The following WDR7 variants were observed in gnomAD, a reference collection of about 807,000 sequenced individuals.
The protein encoded by WDR7 is WD repeat-containing protein 7.
Under a neutral mutation model 169.4 loss-of-function variants are expected in WDR7, and 46 were observed. The observed-to-expected ratio is 0.27, with a 90% CI of 0.21 to 0.35. The LOEUF (loss-of-function observed/expected upper bound fraction) is 0.35, where lower values mean the gene tolerates loss of function less well. Ranked by LOEUF, WDR7 falls within the 10% of genes least tolerant of loss-of-function variation. WDR7 has a pLI of 1.00. For missense variants in WDR7, 1,534 were observed against 1,859.3 expected (o/e 0.83, Z 3.22); for synonymous variants, 612 against 666.8 (o/e 0.92, Z 1.27).
chr18:56,938,813 G>A lies in WDR7; in HGVS notation c.3981+131G>A, dbSNP rs1475277862. ...AGGGTGAGAGAGAAAGAATGAGTGT[G>A]TGTGTGTGTGTGTGTGTGTGTGTGT... On this transcript the variant is annotated intron_variant, in intron 24 of 27. Transcript: ENST00000254442. The A allele has an allele frequency of 9.0e-5, 68 of 759,528 alleles. 1 individual carries two copies. Among genetic ancestry groups the A allele is most frequent in the Admixed American group, 2.9e-4 (8 of 27,518 alleles). The allele number at this position is 759,528 out of a possible 1,614,324, so 47.0% of individuals were successfully genotyped here. A position where few individuals can be genotyped will look rare whatever the true frequency, so the allele number is the denominator to read the frequency against.
At chr18:56,744,031 C>G (rs548828063) in intron 14 of WDR7, among the ~76,000 whole-genome samples, 1 of 152,050 alleles carries the variant, frequency 6.6e-6, no homozygotes, top group East Asian at 1.9e-4. Flanking sequence ...GCGGACGGAT[C>G]ACGAGGTCAG....
At chr18:56,843,346 C>T (rs2045516032) in intron 20 of WDR7, among the ~76,000 whole-genome samples, 1 of 152,174 alleles carries the variant, frequency 6.6e-6, no homozygotes, top group African/African-American at 2.4e-5. Context: ...CAAAGTGAAA[C>T]CTTATACCCA....
At position 56,880,043 on chromosome 18, in the gene WDR7, C is replaced by T; in HGVS notation, c.3404C>T (p.Ala1135Val). Residue 1135 changes from alanine to valine, a missense_variant, in exon 21 of 28, where the codon GCT becomes GTT. Physicochemically the swap from Ala to Val is moderately conservative, Grantham distance 64. Transcript: ENST00000254442. ...ATTGTTTTACTTGGAGTAATAGGAG[C>T]TGAATTTGGTGCTGAAATTGAACCT... Reference protein sequence around the residue: ...TAIVLLGVIGAEFGAEIEPPK... With the variant: ...TAIVLLGVIGVEFGAEIEPPK... 1 of 1,614,056 alleles carries T rather than the reference C, an allele frequency of 6.2e-7. No homozygotes were observed. Among genetic ancestry groups the T allele is most frequent in the Non-Finnish European group, 8.5e-7 (1 of 1,179,978 alleles).
At position 57,027,018 on chromosome 18, in the gene WDR7, G is replaced by A. The variant is rs1390744229; in HGVS notation, c.4284G>A (p.Leu1428=). ...HISFWQMNTS[L]LGSIGMLNSA... ...TGTCCCTCCAGATGAACACGTCACT[G>A]CTGGGAAGCATCGGCATGCTGAACT... is the stretch of plus-strand genomic sequence containing the variant. The change falls in exon 28 of 28, where the codon CTG becomes CTA. Residue 1428 remains leucine (L), a synonymous_variant. Coordinates refer to ENST00000254442, the MANE Select transcript of WDR7 (RefSeq NM_015285.3). 1.2e-6 allele frequency: 2 copies of A among 1,613,968 alleles called. No homozygotes were observed. Among genetic ancestry groups the A allele is most frequent in the South Asian group, 2.2e-5 (2 of 91,066 alleles).
intron 1 of WDR7, among the ~76,000 whole-genome samples, chr18:56,659,482 C>T (rs1183066620): frequency 6.6e-6 from 1 of 152,178 alleles, no homozygotes; most frequent in African/African-American, 2.4e-5. Context: ...ATAGAACATA[C>T]ACCAGGAGAG....
intron 21 of WDR7, among the ~76,000 whole-genome samples, chr18:56,892,775 G>A (rs1336669922): frequency 6.6e-6 from 1 of 151,996 alleles, no homozygotes; most frequent in Admixed American, 6.6e-5. Context: ...ATGCAAAAGG[G>A]CTTTGAGGTG....
intron 21 of WDR7, among the ~76,000 whole-genome samples, chr18:56,912,600 G>A (rs1427670607): frequency 6.6e-6 from 1 of 152,132 alleles, no homozygotes; most frequent in Non-Finnish European, 1.5e-5. Context: ...GGTTACCATT[G>A]GCTTATAAAT....
chr18:56,866,217 C>G (rs979674831), intron 20 of WDR7, among the ~76,000 whole-genome samples: 1 of 152,094 alleles, frequency 6.6e-6, no homozygotes, highest in Non-Finnish European at 1.5e-5. Flanking sequence ...AAGAGCAGCT[C>G]TGTAATCTCC....
At position 56,924,068 on chromosome 18, in the gene WDR7, C is replaced by T; in HGVS notation, c.3673C>T (p.Leu1225Phe). 1 of 1,613,012 alleles carries T rather than the reference C, an allele frequency of 6.2e-7. No individual in the cohort carries two copies. Among genetic ancestry groups the T allele is most frequent in the South Asian group, 1.1e-5 (1 of 90,692 alleles). Reference protein sequence around the residue: ...YMDVSAVLMGLLELCADAEKQ... With the variant: ...YMDVSAVLMGFLELCADAEKQ... The stretch of plus-strand genomic sequence containing the variant: ...GGATGTGTCCGCTGTTCTGATGGGG[C>T]TTCTCGAACTTTGTGCCGATGCCGA... The change falls in exon 22 of 28, where the codon CTT becomes TTT. Residue 1225 changes from leucine to phenylalanine, a missense_variant. By Grantham distance (22) the Leu-to-Phe change is conservative (BLOSUM62 0). Transcript: ENST00000254442.
At chr18:56,956,177 T>C (rs767897890) in intron 25 of WDR7, among the ~76,000 whole-genome samples, 10 of 152,072 alleles carry the variant, frequency 6.6e-5, no homozygotes, top group Non-Finnish European at 1.3e-4. Flanking sequence ...ATAAGAGATA[T>C]TTCATTTGGT....
intron 14 of WDR7, among the ~76,000 whole-genome samples, chr18:56,752,441 ATC>A (rs2043809956): frequency 6.6e-6 from 1 of 152,010 alleles, no homozygotes; most frequent in African/African-American, 2.4e-5. Context: ...GTGCCTTGCC[ATC>A]TCTCTTTATG....
At chr18:56,779,883 C>T (rs2044292366) in intron 18 of WDR7, among the ~76,000 whole-genome samples, 2 of 152,178 alleles carry the variant, frequency 1.3e-5, no homozygotes, top group South Asian at 4.1e-4. Flanking sequence ...CCCAGAATTA[C>T]ACACTCAGTG....
intron 21 of WDR7, chr18:56,890,871 C>A (rs1357283076): frequency 5.3e-5 from 8 of 152,198 alleles, no homozygotes; most frequent in Non-Finnish European, 1.0e-4. Flanking sequence ...GGACTTACAT[C>A]ACCATTACAT....
chr18:56,950,596 C>T (rs879781786), intron 25 of WDR7, among the ~76,000 whole-genome samples: 31 of 152,286 alleles, frequency 2.0e-4, no homozygotes, highest in Admixed American at 1.1e-3. Context: ...TCTTAAAACT[C>T]GTTATTTTCT....
intron 25 of WDR7, among the ~76,000 whole-genome samples, chr18:56,947,013 A>G (rs945669392): frequency 1.3e-5 from 2 of 152,230 alleles, no homozygotes; most frequent in Non-Finnish European, 2.9e-5. Context: ...TATTAATAAT[A>G]TAGTGTCATC....
intron 17 of WDR7, among the ~76,000 whole-genome samples, chr18:56,779,137 G>A (rs919347566): frequency 6.6e-6 from 1 of 152,092 alleles, no homozygotes; most frequent in East Asian, 1.9e-4. Flanking sequence ...TTATTTTAGA[G>A]GGACTGTTAA....
chr18:56,856,089 A>G (rs1568233125), intron 20 of WDR7, among the ~76,000 whole-genome samples: 1 of 152,198 alleles, frequency 6.6e-6, no homozygotes, highest in Non-Finnish European at 1.5e-5. Flanking sequence ...GAAGGAAACT[A>G]GAGGAGAGGT....
chr18:56,975,408 T>C (rs1166377948), intron 26 of WDR7, among the ~76,000 whole-genome samples: 1 of 151,944 alleles, frequency 6.6e-6, no homozygotes, highest in East Asian at 1.9e-4. Context: ...TTGTTATGCC[T>C]GAAGCAAAGG....
intron 26 of WDR7, among the ~76,000 whole-genome samples, chr18:57,016,498 A>G (rs192887056): frequency 2.3e-3 from 357 of 152,334 alleles, no homozygotes; most frequent in African/African-American, 7.9e-3. Flanking sequence ...ATTTTATTCA[A>G]CCTCAAAGTG....
Sources: gnomAD v4.1 joint callset for allele counts (sites outside exome capture counted in the v4.1 genomes callset) on GRCh38, gnomAD v4.1.1 for gene constraint, MANE v1.5 for transcripts, NCBI Gene and HGNC (gene_info 2026-07-23, HGNC 2026-07-21) for gene names.